Variants in EGFR observed in about 807,000 individuals in gnomAD.
EGFR encodes the protein epidermal growth factor receptor, also known as avian erythroblastic leukemia viral (v-erb-b) oncogene homolog.
Under a neutral mutation model 143.0 loss-of-function variants are expected in EGFR, and 58 were observed. The observed-to-expected ratio is 0.41, with a 90% CI of 0.33 to 0.50. EGFR has a LOEUF of 0.50. Ranked by LOEUF, EGFR falls within the 20% of genes least tolerant of loss-of-function variation. EGFR has a pLI of 0.39. For missense variants in EGFR, 1,307 were observed against 1,579.0 expected (o/e 0.83, Z 2.92); for synonymous variants, 613 against 594.4 (o/e 1.03, Z -0.45).
At chr7:55,190,800 A>C (rs1674342929) in intron 20 of EGFR, among the ~76,000 whole-genome samples, 1 of 152,228 alleles carries the variant, frequency 6.6e-6, no homozygotes, top group Non-Finnish European at 1.5e-5. Flanking sequence ...AAGTCTGCAG[A>C]ACTTGACCCC....
At chr7:55,067,843 C>T (rs1789594108) in intron 1 of EGFR, among the ~76,000 whole-genome samples, 1 of 150,988 alleles carries the variant, frequency 6.6e-6, no homozygotes, top group Non-Finnish European at 1.5e-5. Flanking sequence ...TATGTGTGCA[C>T]GTGTGCGCCT....
chr7:55,187,000 C>T (rs1787167448), intron 20 of EGFR, among the ~76,000 whole-genome samples: 1 of 152,202 alleles, frequency 6.6e-6, no homozygotes, highest in Admixed American at 6.5e-5. Context: ...GTGACAGGTC[C>T]TTTCCCTGTC....
intron 1 of EGFR, among the ~76,000 whole-genome samples, chr7:55,031,868 CTT>C (rs1453229371): frequency 1.3e-5 from 2 of 152,116 alleles, no homozygotes; most frequent in Non-Finnish European, 2.9e-5. Context: ...ATTCCTCTGA[CTT>C]AATATTGAGA....
In EGFR at chr7:55,026,223, C is replaced by A. The variant is rs369527410; in HGVS notation, c.88+6858C>A. On this transcript the variant is annotated intron_variant, in intron 1 of 27. Coordinates refer to ENST00000275493, the MANE Select transcript of EGFR (RefSeq NM_005228.5). ...AAGAAATCTTGTCTTTGCTCTCAGA[C>A]CCCCATTTCTTACTCATCTCATGAG... 1.3e-4 allele frequency among the ~76,000 whole-genome samples: 20 copies of A among 152,244 alleles called. No individual in the cohort carries two copies. In the East Asian group the frequency reaches 2.7e-3, roughly 21 times the overall value.
chr7:55,130,586 G>A (rs1422217793), intron 1 of EGFR, among the ~76,000 whole-genome samples: 1 of 152,158 alleles, frequency 6.6e-6, no homozygotes, highest in Non-Finnish European at 1.5e-5. Context: ...TTAAAAGGAG[G>A]ATTTCAGTTG....
chr7:55,202,746 C>A, intron 27 of EGFR, 121 bp downstream of exon 27: 1 of 870,926 alleles, frequency 1.1e-6, no homozygotes, highest in Non-Finnish European at 1.9e-6. Context: ...GAAACAGTGG[C>A]AGATTTGCAG....
chr7:55,183,102 A>C (rs1786967370), intron 20 of EGFR, among the ~76,000 whole-genome samples: 1 of 152,102 alleles, frequency 6.6e-6, no homozygotes, highest in Non-Finnish European at 1.5e-5. Flanking sequence ...TGGCTCCAGC[A>C]TCCCTGGGCT....
intron 22 of EGFR, among the ~76,000 whole-genome samples, chr7:55,195,494 T>A (rs1413953031): frequency 6.6e-6 from 1 of 152,226 alleles, no homozygotes; most frequent in Non-Finnish European, 1.5e-5. Context: ...GGTTTCGTAT[T>A]TTTTAGATTT....
At chr7:55,192,162 C>G (rs1011195314) in intron 21 of EGFR, among the ~76,000 whole-genome samples, 3 of 152,104 alleles carry the variant, frequency 2.0e-5, no homozygotes, top group Admixed American at 6.5e-5. Context: ...TATATAAGTC[C>G]CCTTCAATAG....
intron 17 of EGFR, among the ~76,000 whole-genome samples, chr7:55,173,607 G>A (rs551752802): frequency 4.6e-5 from 7 of 152,346 alleles, no homozygotes; most frequent in South Asian, 2.1e-4. Flanking sequence ...CCAAACGACC[G>A]CCATGCACAA....
chr7:55,157,000 A>G, intron 10 of EGFR, 168 bp downstream of exon 10: 2 of 1,468,290 alleles, frequency 1.4e-6, no homozygotes, highest in South Asian at 1.4e-5. Flanking sequence ...CCTGCAGGCA[A>G]AAGGGGACAC....
At chr7:55,102,964 G>A (rs950926629) in intron 1 of EGFR, among the ~76,000 whole-genome samples, 2 of 152,144 alleles carry the variant, frequency 1.3e-5, no homozygotes, top group African/African-American at 4.8e-5. Context: ...TAATAAGAAG[G>A]CCACGTGCTT....
At chr7:55,075,334 T>C (rs995049174) in intron 1 of EGFR, among the ~76,000 whole-genome samples, 2 of 152,220 alleles carry the variant, frequency 1.3e-5, no homozygotes, top group Non-Finnish European at 2.9e-5. Flanking sequence ...CCCTTCTTTG[T>C]ATGGAGGTCA....
chr7:55,042,631 GTTA>G lies in EGFR; in HGVS notation c.88+23268_88+23270del, dbSNP rs201437539. Among the ~76,000 whole-genome samples, 885 of 152,176 alleles carry G rather than the reference GTTA, an allele frequency of 5.8e-3. 28 individuals carry two copies. Among genetic ancestry groups the G allele is most frequent in the Admixed American group, 0.047 (715 of 15,288 alleles). ...TCACTCTACGTATGTGCACGAGGTC[GTTA>G]TAAAGCTCGAAAATATGGGCTCACC... On this transcript the variant is annotated intron_variant, in intron 1 of 27. Transcript: ENST00000275493.
chr7:55,055,687 C>T (rs1788764117), intron 1 of EGFR, among the ~76,000 whole-genome samples: 1 of 147,584 alleles, frequency 6.8e-6, no homozygotes, highest in Non-Finnish European at 1.5e-5. Context: ...TTCCCTGCAG[C>T]CGTCTCCCTC....
intron 14 of EGFR, among the ~76,000 whole-genome samples, chr7:55,164,248 G>A (rs1272696178): frequency 6.6e-6 from 1 of 152,052 alleles, no homozygotes; most frequent in Non-Finnish European, 1.5e-5. Context: ...GTATCTATAT[G>A]TTCAATAACA....
intron 1 of EGFR, among the ~76,000 whole-genome samples, chr7:55,039,410 T>C (rs1424203323): frequency 6.6e-6 from 1 of 152,176 alleles, no homozygotes; most frequent in Non-Finnish European, 1.5e-5. Context: ...GCTGAACACC[T>C]GAAGACACCC....
intron 1 of EGFR, among the ~76,000 whole-genome samples, chr7:55,053,663 C>A (rs1166156421): frequency 2.0e-5 from 3 of 152,232 alleles, no homozygotes; most frequent in African/African-American, 7.2e-5. Context: ...AGGGCCATCA[C>A]CACACAAAGT....
At chr7:55,085,768 C>T (rs1258663701) in intron 1 of EGFR, among the ~76,000 whole-genome samples, 1 of 152,186 alleles carries the variant, frequency 6.6e-6, no homozygotes, top group Non-Finnish European at 1.5e-5. Context: ...TGTCTGCTGG[C>T]ACTAGGTATT....
Sources: allele counts gnomAD v4.1 joint callset (sites outside exome capture counted in the v4.1 genomes callset), GRCh38; gene constraint gnomAD v4.1.1; transcripts MANE v1.5; gene names NCBI Gene and HGNC (gene_info 2026-07-23, HGNC 2026-07-21).